The following TBC1D12 variants were observed in gnomAD, a reference collection of about 807,000 sequenced individuals.
TBC1D12 encodes the protein TBC1 domain family, member 12.
In TBC1D12, 56 loss-of-function variants were observed where a neutral mutation model predicts 86.7. The observed-to-expected ratio is 0.65, with a 90% CI of 0.52 to 0.81. TBC1D12 has a LOEUF of 0.81. TBC1D12 is among the 30% of genes least tolerant of loss of function. The pLI is 0.00. For synonymous variants in TBC1D12, 421 were observed against 411.7 expected, an observed-to-expected ratio of 1.02 and a Z score of -0.27; for missense variants, 1,023 against 1,038.8, an observed-to-expected ratio of 0.98 and a Z score of 0.21.
At chr10:94,472,177 G>A (rs1160558544) in intron 2 of TBC1D12, among the ~76,000 whole-genome samples, 1 of 152,190 alleles carries the variant, frequency 6.6e-6, no homozygotes, top group Non-Finnish European at 1.5e-5. Context: ...GACAGGGCGA[G>A]AGGATTGCTT....
chr10:94,479,979 G>A (rs772972275), intron 3 of TBC1D12, among the ~76,000 whole-genome samples: 1 of 152,114 alleles, frequency 6.6e-6, no homozygotes, highest in South Asian at 2.1e-4. Flanking sequence ...TATGCTAACC[G>A]CAGAACGGGC....
At chr10:94,433,986 T>C (rs2055257316) in intron 1 of TBC1D12, among the ~76,000 whole-genome samples, 1 of 152,208 alleles carries the variant, frequency 6.6e-6, no homozygotes, top group South Asian at 2.1e-4. Flanking sequence ...GTAAATTTTT[T>C]TCCCCAAGGG....
chr10:94,404,218 T>G (rs563604355), intron 1 of TBC1D12, among the ~76,000 whole-genome samples: 1 of 152,368 alleles, frequency 6.6e-6, no homozygotes, highest in Non-Finnish European at 1.5e-5. Flanking sequence ...CCCAACTTTT[T>G]AAGCCAAAGT....
In TBC1D12 at chr10:94,536,305, C is replaced by T. The variant is rs149469778; in HGVS notation, c.*3209C>T. On this transcript the variant is annotated 3_prime_UTR_variant, in exon 13 of 13. Transcript: ENST00000225235. The stretch of plus-strand genomic sequence containing the variant: ...ATTTCTTACTTAATGTTCCTTTAGT[C>T]CAGGTCTACAATGCCTTATTTAAAT... Among the ~76,000 whole-genome samples the T allele has an allele frequency of 3.0e-3, 459 of 152,026 alleles. 3 individuals are homozygous for T. The highest frequency in any genetic ancestry group is 0.011 in the African/African-American group (436 of 41,474).
intron 6 of TBC1D12, among the ~76,000 whole-genome samples, chr10:94,503,275 A>G (rs1009411654): frequency 6.6e-6 from 1 of 152,216 alleles, no homozygotes; most frequent in Non-Finnish European, 1.5e-5. Flanking sequence ...ACTGTTTTTC[A>G]TCCCTCAAAA....
chr10:94,409,148 A>C (rs577970861), intron 1 of TBC1D12, among the ~76,000 whole-genome samples: 3 of 149,726 alleles, frequency 2.0e-5, no homozygotes, highest in East Asian at 2.0e-4. Flanking sequence ...TCTTTTAAAA[A>C]CCCCCCAAAA....
intron 2 of TBC1D12, among the ~76,000 whole-genome samples, chr10:94,451,857 T>C (rs2055554489): frequency 6.6e-6 from 1 of 151,992 alleles, no homozygotes; most frequent in Non-Finnish European, 1.5e-5. Context: ...TCTTGGGCAT[T>C]ATATGTGTAG....
chr10:94,481,034 T>A (rs1201701918), intron 3 of TBC1D12, among the ~76,000 whole-genome samples: 1 of 150,432 alleles, frequency 6.6e-6, no homozygotes, highest in Admixed American at 6.6e-5. Flanking sequence ...CAGTGTTGCT[T>A]TGAAAGGAAT....
chr10:94,494,632 C>T (rs1169256315), intron 4 of TBC1D12, among the ~76,000 whole-genome samples: 3 of 151,312 alleles, frequency 2.0e-5, no homozygotes, highest in Non-Finnish European at 2.9e-5. Context: ...CAGCCTCAAT[C>T]TCCCAGGCTC....
chr10:94,487,531 A>G (rs1323734855), intron 3 of TBC1D12, among the ~76,000 whole-genome samples: 2 of 151,680 alleles, frequency 1.3e-5, no homozygotes, highest in African/African-American at 4.8e-5. Flanking sequence ...CTTATAACCC[A>G]TTATTTTAAA....
rs1313078747 is a variant in TBC1D12, at chr10:94,534,766, A to G, written c.*1670A>G. 6.6e-6 allele frequency: 1 copy of G among 152,174 alleles called. No homozygotes were observed. Among genetic ancestry groups the G allele is most frequent in the Non-Finnish European group, 1.5e-5 (1 of 68,026 alleles). The allele number at this position is 152,174 out of a possible 1,614,324, so 9.4% of individuals were successfully genotyped here. ...AATTATTTTTATGTCGAGTTCTTGAACTGCTAATCAGGTGTGTGTTTCCTT... is the reference window on the plus strand; with the variant it reads ...AATTATTTTTATGTCGAGTTCTTGAGCTGCTAATCAGGTGTGTGTTTCCTT... On this transcript the variant is annotated 3_prime_UTR_variant, in exon 13 of 13. Transcript: ENST00000225235.
chr10:94,458,383 C>G (rs1281850523), intron 2 of TBC1D12, among the ~76,000 whole-genome samples: 1 of 152,142 alleles, frequency 6.6e-6, no homozygotes. Context: ...CCTTGTTCCT[C>G]TCATCCTCTG....
intron 11 of TBC1D12, among the ~76,000 whole-genome samples, chr10:94,527,854 G>A (rs1355394895): frequency 1.3e-5 from 2 of 152,024 alleles, no homozygotes; most frequent in African/African-American, 4.8e-5. Context: ...AGTGTTCTTG[G>A]CATCTTTGTC....
rs1388222460 is a variant in TBC1D12 at position 94,403,550 on chromosome 10, C to T, written c.937C>T (p.Arg313Ter). 2.7e-6 allele frequency: 4 copies of T among 1,503,730 alleles called. No homozygotes were observed. The highest frequency in any genetic ancestry group is 3.5e-6 in the Non-Finnish European group (4 of 1,136,824). 93.1% of individuals were successfully genotyped at this position (1,503,730 alleles called of 1,614,324 possible). ...QGPAGASARA[R>*]RSGGFADFFT... is the part of the protein sequence containing the mutation. The stretch of plus-strand genomic sequence containing the variant: ...TCCTGCGGGGGCTTCGGCCCGGGCT[C>T]GACGGAGTGGCGGCTTCGCGGACTT... Residue 313 changes from arginine (R) to a stop codon, truncating the protein, a stop_gained, in exon 1 of 13, where the codon CGA (arginine) becomes TGA (stop). Transcript: ENST00000225235. LOFTEE classifies it high-confidence loss of function.
At chr10:94,425,367 A>C (rs568479535) in intron 1 of TBC1D12, among the ~76,000 whole-genome samples, 4 of 152,236 alleles carry the variant, frequency 2.6e-5, no homozygotes, top group Non-Finnish European at 5.9e-5. Context: ...AAACTTGTAG[A>C]ACTATACACC....
intron 1 of TBC1D12, among the ~76,000 whole-genome samples, chr10:94,423,438 C>G (rs1287315670): frequency 6.7e-6 from 1 of 149,640 alleles, no homozygotes; most frequent in Non-Finnish European, 1.5e-5. Flanking sequence ...ACCTCCGCCT[C>G]CCAGGTTCAA....
At chr10:94,477,190 T>C (rs1053224432) in intron 3 of TBC1D12, among the ~76,000 whole-genome samples, 5 of 152,220 alleles carry the variant, frequency 3.3e-5, no homozygotes, top group Non-Finnish European at 4.4e-5. Flanking sequence ...CTTTGTAGTA[T>C]AGAGACTGAA....
chr10:94,532,854 T>A (rs1487620652), intron 12 of TBC1D12, among the ~76,000 whole-genome samples, 174 bp from the exon 13 acceptor site: 1 of 152,150 alleles, frequency 6.6e-6, no homozygotes, highest in Non-Finnish European at 1.5e-5. Context: ...AAAATTGGAA[T>A]CTAATCATAT....
intron 2 of TBC1D12, among the ~76,000 whole-genome samples, chr10:94,471,269 CTG>C (rs1204524088): frequency 1.4e-5 from 2 of 140,816 alleles, no homozygotes; most frequent in Admixed American, 7.4e-5. Flanking sequence ...GAGTGAGACT[CTG>C]TATCTCCAAA....
Sources: allele counts gnomAD v4.1 joint callset (sites outside exome capture counted in the v4.1 genomes callset), GRCh38; gene constraint gnomAD v4.1.1; transcripts MANE v1.5; gene names NCBI Gene and HGNC (gene_info 2026-07-23, HGNC 2026-07-21).